Variants in C2CD5 observed in about 807,000 individuals in gnomAD.
C2CD5 encodes C2 domain-containing protein 5.
In C2CD5, 109 loss-of-function variants were observed where a neutral mutation model predicts 130.3. That is an observed-to-expected ratio of 0.84 (90% confidence interval 0.72 to 0.98). The LOEUF (loss-of-function observed/expected upper bound fraction) is 0.98, where lower values mean the gene tolerates loss of function less well. C2CD5 is among the 50% of genes least tolerant of loss of function. The probability of loss-of-function intolerance (pLI) is 0.00; values close to 1 mark genes in which losing one functional copy is unlikely to be tolerated. For synonymous variants in C2CD5, 454 were observed against 429.2 expected (o/e 1.06, Z -0.71); for missense variants, 996 against 1,261.8 (o/e 0.79, Z 3.19).
intron 4 of C2CD5, among the ~76,000 whole-genome samples, chr12:22,526,111 G>A (rs1950694179): frequency 6.6e-6 from 1 of 152,190 alleles, no homozygotes; most frequent in South Asian, 2.1e-4. Flanking sequence ...GATCATAATA[G>A]TAATGCCAGC....
chr12:22,454,272 G>T (rs1939320109), intron 25 of C2CD5, among the ~76,000 whole-genome samples: 1 of 152,090 alleles, frequency 6.6e-6, no homozygotes, highest in Non-Finnish European at 1.5e-5. Flanking sequence ...TAAAACTGAA[G>T]CCCGGAGAAT....
chr12:22,472,848 C>T, intron 16 of C2CD5, 41 bp from the exon 17 acceptor site: 1 of 1,040,000 alleles, frequency 9.6e-7, no homozygotes, highest in Non-Finnish European at 1.5e-6. Flanking sequence ...GTAGTAAATG[C>T]ATAATTATTT....
chr12:22,478,769 C>T (rs1333300984), intron 14 of C2CD5, among the ~76,000 whole-genome samples: 2 of 151,934 alleles, frequency 1.3e-5, no homozygotes, highest in Non-Finnish European at 2.9e-5. Flanking sequence ...TCACTTGAAC[C>T]CGGGAGGCAG....
At chr12:22,511,180 A>G (rs934975566) in intron 9 of C2CD5, among the ~76,000 whole-genome samples, 1 of 152,022 alleles carries the variant, frequency 6.6e-6, no homozygotes, top group African/African-American at 2.4e-5. Flanking sequence ...CAAGAAAAAA[A>G]AAAAAAAAAG....
At chr12:22,512,337 T>C (rs1435666913) in intron 9 of C2CD5, among the ~76,000 whole-genome samples, 2 of 152,124 alleles carry the variant, frequency 1.3e-5, no homozygotes, top group Non-Finnish European at 2.9e-5. Flanking sequence ...TTCCCCCAAA[T>C]GCTAGTGTAA....
At position 22,544,152 on chromosome 12, in the gene C2CD5, GTC is replaced by G. The variant is rs772223340; in HGVS notation, c.-4_-3del. The G allele has an allele frequency of 6.2e-7, 1 of 1,613,978 alleles. No homozygotes were observed. The highest frequency in any genetic ancestry group is 2.2e-5 in the East Asian group (1 of 44,856). ...TTTCACCTTCAGCTTCCCTGGCATG[GTC>G]TCGGTTTCGGCCTCTTCTTGGGCTC... On this transcript the variant is annotated 5_prime_UTR_variant, in exon 2 of 27. Coordinates refer to ENST00000446597, the MANE Select transcript of C2CD5 (RefSeq NM_001286176.2).
chr12:22,539,481 C>A (rs1313615845), intron 2 of C2CD5, among the ~76,000 whole-genome samples: 1 of 151,890 alleles, frequency 6.6e-6, no homozygotes, highest in African/African-American at 2.4e-5. Context: ...AAAGACAGAA[C>A]CAACTCCTAA....
intron 22 of C2CD5, among the ~76,000 whole-genome samples, chr12:22,465,055 AT>A (rs1214583854): frequency 2.0e-5 from 3 of 152,190 alleles, no homozygotes; most frequent in African/African-American, 7.2e-5. Flanking sequence ...CTAGCCTACA[AT>A]AAAAAACTTC....
At chr12:22,544,248 G>C in intron 1 of C2CD5, 69 bp from the exon 2 acceptor site, 1 of 1,231,922 alleles carries the variant, frequency 8.1e-7, no homozygotes. Context: ...GGCGCGCGGG[G>C]TAACTGACAG....
rs763568813 is a variant in C2CD5 at position 22,544,067 on chromosome 12, G to A, written c.84C>T (p.Phe28=). The A allele has an allele frequency of 3.1e-6, 5 of 1,612,406 alleles. No homozygotes were observed. The highest frequency in any genetic ancestry group is 1.7e-4 in the Middle Eastern group (1 of 6,058). Residue 28 remains phenylalanine, a synonymous_variant, in exon 2 of 27, where the codon TTC becomes TTT. Transcript: ENST00000446597. ...GGCAGGACCCTGCACCAACCTCCAC[G>A]AAGGCATCAGTCAGGTCACTAGCAC... is the stretch of plus-strand genomic sequence containing the variant. ...MDRASDLTDA[F]VEVKFGNTTF...
chr12:22,472,782 T>C lies in C2CD5; in HGVS notation c.2069A>G (p.Asp690Gly). Residue 690 changes from aspartate (D) to glycine (G), a missense_variant, in exon 17 of 27, where the codon GAT becomes GGT. Physicochemically the swap from Asp to Gly is moderately conservative, Grantham distance 94. Around this residue, in one of 9 missense-constraint regions of C2CD5, gnomAD observed 590 missense variants for 631.4 expected, o/e 0.93. Coordinates refer to ENST00000446597, the MANE Select transcript of C2CD5 (RefSeq NM_001286176.2). ...AACATCAGTAAGTAGAGAATGGACA[T>C]CTTCCATGGCATCTGTGTCATCAAT... is the stretch of plus-strand genomic sequence containing the variant. ...LEIDDTDAME[D>G]VHSLLTDVPP... The C allele has an allele frequency of 1.3e-6, 2 of 1,582,534 alleles. No individual in the cohort carries two copies. The highest frequency in any genetic ancestry group is 1.7e-6 in the Non-Finnish European group (2 of 1,151,682).
intron 24 of C2CD5, among the ~76,000 whole-genome samples, chr12:22,457,694 T>C (rs1940214744): frequency 6.6e-6 from 1 of 152,104 alleles, no homozygotes; most frequent in South Asian, 2.1e-4. Context: ...GTTGGTTGTT[T>C]ATAAAGTAAA....
Position 22,467,533 on chromosome 12 carries a change from G to C in C2CD5, c.2533+2176C>G, listed in dbSNP as rs143331477. On this transcript the variant is annotated intron_variant, in intron 22 of 26. Transcript: ENST00000446597. ...TCAAAATGGGAATATGTTAATAATT[G>C]AAGAACCATAAACTATAGAAACCCA... Among the ~76,000 whole-genome samples the C allele has an allele frequency of 4.6e-3, 693 of 152,254 alleles. 2 individuals carry two copies. Among genetic ancestry groups the C allele is most frequent in the Non-Finnish European group, 6.6e-3 (448 of 68,024 alleles).
At chr12:22,504,164 GT>G (rs922201149) in intron 10 of C2CD5, among the ~76,000 whole-genome samples, 174 of 143,328 alleles carry the variant, frequency 1.2e-3, no homozygotes, top group African/African-American at 3.5e-3. Flanking sequence ...AATGCAGTTC[GT>G]TTTTTTTTTT....
intron 14 of C2CD5, among the ~76,000 whole-genome samples, chr12:22,481,356 G>C (rs1944677609): frequency 6.6e-6 from 1 of 152,050 alleles, no homozygotes; most frequent in Admixed American, 6.6e-5. Flanking sequence ...TCAAAAAGAT[G>C]GCAAGAGAAT....
intron 26 of C2CD5, among the ~76,000 whole-genome samples, chr12:22,450,319 T>C (rs775507244): frequency 4.6e-5 from 7 of 152,140 alleles, no homozygotes; most frequent in Admixed American, 6.6e-5. Context: ...ATTAATTCCA[T>C]GTATATGTGT....
chr12:22,493,229 C>T lies in C2CD5; in HGVS notation c.1256G>A (p.Ser419Asn). ...HAVVGYSEST[S>N]ICEEVCILSA... ...AGTTGTTATTATCATTTACCAGATGCTAGTTGATTCACTGTAGCCCACTAC... is the reference window on the plus strand; with the variant it reads ...AGTTGTTATTATCATTTACCAGATGTTAGTTGATTCACTGTAGCCCACTAC... Residue 419 changes from serine (S) to asparagine (N), a missense_variant, in exon 11 of 27, where the codon AGC becomes AAC. Transcript: ENST00000446597. 1 of 1,547,784 alleles carries T rather than the reference C, an allele frequency of 6.5e-7. No individual in the cohort carries two copies. Among genetic ancestry groups the T allele is most frequent in the Non-Finnish European group, 8.9e-7 (1 of 1,126,330 alleles).
intron 7 of C2CD5, chr12:22,518,946 C>T (rs1950021546): frequency 1.9e-6 from 1 of 535,644 alleles, no homozygotes; most frequent in Non-Finnish European, 3.3e-6. Context: ...TAGTTAGAGA[C>T]TCTGTGGCAG....
At chr12:22,511,368 A>G (rs1949174180) in intron 9 of C2CD5, among the ~76,000 whole-genome samples, 1 of 152,198 alleles carries the variant, frequency 6.6e-6, no homozygotes, top group Admixed American at 6.5e-5. Flanking sequence ...TGCTTTTCCC[A>G]AAACAGAAAC....
Sources: gnomAD v4.1 joint callset for allele counts (sites outside exome capture counted in the v4.1 genomes callset) on GRCh38, gnomAD v4.1.1 for gene constraint, gnomAD v4.1.1 regional missense constraint, MANE v1.5 for transcripts, NCBI Gene and HGNC (gene_info 2026-07-23, HGNC 2026-07-21) for gene names.